Variants in PNLDC1 observed in about 807,000 individuals in gnomAD.
PNLDC1 encodes PARN like ribonuclease domain containing exonuclease 1, also known as poly(A)-specific ribonuclease PNLDC1.
Under a neutral mutation model 82.0 loss-of-function variants are expected in PNLDC1, and 70 were observed. The observed-to-expected ratio is 0.85, with a 90% confidence interval of 0.70 to 1.04. PNLDC1 has a LOEUF of 1.04. PNLDC1 is among the 50% of genes least tolerant of loss of function. The probability of loss-of-function intolerance (pLI) is 0.00; values close to 1 mark genes in which losing one functional copy is unlikely to be tolerated. For synonymous variants in PNLDC1, 280 were observed against 249.3 expected (o/e 1.12, Z -1.16); for missense variants, 631 against 661.1 (o/e 0.95, Z 0.50).
In PNLDC1 at chr6:159,819,061, A is replaced by T. The variant is rs1781944003; in HGVS notation, c.1373A>T (p.Lys458Met). The T allele has an allele frequency of 6.2e-7, 1 of 1,614,008 alleles. No homozygotes were observed. The highest frequency in any genetic ancestry group is 1.1e-5 in the South Asian group (1 of 91,084). The change falls in exon 17 of 19, where the codon AAG becomes ATG. Residue 458 changes from lysine to methionine, a missense_variant. Lys to Met is a moderately conservative substitution (Grantham distance 95, BLOSUM62 -1). Coordinates refer to ENST00000392167, the MANE Select transcript of PNLDC1 (RefSeq NM_001271862.2). The surrounding 1 kb of genome is among the most constrained non-coding windows in gnomAD (Gnocchi z 4.6). ...TACCATAAGTTTCAGAATCTCTGCA[A>T]GTTTGATGTCAGGCGACTCACAAGA... The part of the protein sequence containing the change: ...QVYHKFQNLC[K>M]FDVRRLTRSQ...
intron 3 of PNLDC1, among the ~76,000 whole-genome samples, chr6:159,802,423 GAA>G (rs1781293369): frequency 6.6e-6 from 1 of 151,930 alleles, no homozygotes; most frequent in Admixed American, 6.6e-5. Context: ...CTTTTACTAT[GAA>G]TGATGCTGAA....
intron 15 of PNLDC1, 117 bp from the exon 16 acceptor site, chr6:159,818,438 G>A (rs1781912054): frequency 4.6e-6 from 4 of 876,296 alleles, no homozygotes; most frequent in Non-Finnish European, 7.4e-6. Context: ...GGGCAGGAGG[G>A]AGGGAGAGCC....
At chr6:159,806,314 C>G (rs1781445121) in intron 7 of PNLDC1, among the ~76,000 whole-genome samples, 2 of 152,240 alleles carry the variant, frequency 1.3e-5, no homozygotes, top group South Asian at 4.1e-4. Context: ...CTGAGAAGGT[C>G]AAGTTCCATT....
chr6:159,818,348 T>G (rs1330695183), intron 15 of PNLDC1, among the ~76,000 whole-genome samples: 1 of 152,124 alleles, frequency 6.6e-6, no homozygotes, highest in Admixed American at 6.5e-5. Flanking sequence ...GTCTGGAAGC[T>G]CTTCTTCTAT....
chr6:159,804,663 T>C, intron 6 of PNLDC1, 26 bp downstream of exon 6: 1 of 1,524,692 alleles, frequency 6.6e-7, no homozygotes, highest in South Asian at 1.1e-5. Context: ...CCAGGTGCCT[T>C]TTTGTTTCCT....
intron 12 of PNLDC1, among the ~76,000 whole-genome samples, chr6:159,815,543 A>G (rs1397588760): frequency 6.6e-6 from 1 of 152,106 alleles, no homozygotes; most frequent in Admixed American, 6.5e-5. Flanking sequence ...CCATTGGATC[A>G]TGTGGTTTGG....
rs769376025 is a variant in PNLDC1 at position 159,806,097 on chromosome 6, G to T, written c.562+14G>T. 1.2e-6 allele frequency: 2 copies of T among 1,600,644 alleles called. No homozygotes were observed. Among genetic ancestry groups the T allele is most frequent in the African/African-American group, 2.7e-5 (2 of 74,620 alleles). On this transcript the variant is annotated intron_variant, in intron 7 of 18. Coordinates refer to ENST00000392167, the MANE Select transcript of PNLDC1 (RefSeq NM_001271862.2). The stretch of plus-strand genomic sequence containing the variant: ...CTGGGATCACTGGTAGGCAGGGCCT[G>T]TTCCTCCCAACGCAGGAGCATTGGG...
At chr6:159,801,569 C>T (rs1431088914) in intron 3 of PNLDC1, among the ~76,000 whole-genome samples, 1 of 152,108 alleles carries the variant, frequency 6.6e-6, no homozygotes, top group Non-Finnish European at 1.5e-5. Context: ...ACGTCAGCCT[C>T]CTGAGTAAAC....
rs1347140917 is a variant in PNLDC1, at chr6:159,818,643, G to A, written c.1246G>A (p.Val416Ile). 3.0e-5 allele frequency: 48 copies of A among 1,613,466 alleles called. No individual in the cohort carries two copies. The highest frequency in any genetic ancestry group is 4.4e-5 in the South Asian group (4 of 91,060). The change falls in exon 16 of 19, where the codon GTC becomes ATC. Residue 416 changes from valine to isoleucine, a missense_variant. Val to Ile is a conservative substitution (Grantham distance 29, BLOSUM62 3). Coordinates refer to ENST00000392167, the MANE Select transcript of PNLDC1 (RefSeq NM_001271862.2). ...CCAAGTGAACCTCATCCGAGCGGGG[G>A]TCCCAAAGATCGTGAGTAGATCTCA... ...VNQVNLIRAG[V>I]PKINFSGPDY...
intron 18 of PNLDC1, among the ~76,000 whole-genome samples, chr6:159,820,210 G>C (rs1358944829): frequency 2.0e-5 from 3 of 152,228 alleles, no homozygotes; most frequent in Non-Finnish European, 4.4e-5. Flanking sequence ...ACATCCGTTA[G>C]AAAACAGCAT....
Position 159,818,564 on chromosome 6 carries a change from C to A in PNLDC1, c.1167C>A (p.Pro389=), listed in dbSNP as rs756978290. 3.1e-6 allele frequency: 5 copies of A among 1,613,690 alleles called. No homozygotes were observed. In the East Asian group the frequency reaches 1.1e-4, roughly 36 times the overall value. The change falls in exon 16 of 19, where the codon CCC becomes CCA. Residue 389 remains proline (P), a synonymous_variant. Transcript: ENST00000392167. ...LLLQKIYHID[P]VPESSFPQYL... ...TTTTCTGTCCTTGCAGCATCGACCC[C>A]GTGCCCGAGTCATCCTTTCCTCAGT...
Position 159,808,731 on chromosome 6 carries a change from C to T in PNLDC1, c.563-9C>T, listed in dbSNP as rs768084965. The T allele has an allele frequency of 1.2e-6, 2 of 1,612,516 alleles. No homozygotes were observed. The highest frequency in any genetic ancestry group is 1.7e-6 in the Non-Finnish European group (2 of 1,179,394). ...AGGTGCTGTGTGCCCCTGTGTTTCCCTGCTGCAGGCTTCCAGGCCTTTGAG... is the reference window on the plus strand; with the variant it reads ...AGGTGCTGTGTGCCCCTGTGTTTCCTTGCTGCAGGCTTCCAGGCCTTTGAG... On this transcript the variant is annotated splice_polypyrimidine_tract_variant and intron_variant, in intron 7 of 18. Transcript: ENST00000392167.
At chr6:159,817,085 A>G (rs775612584) in intron 14 of PNLDC1, 24 bp from the exon 15 acceptor site, 12 of 1,603,956 alleles carry the variant, frequency 7.5e-6, no homozygotes, top group Non-Finnish European at 6.8e-6. Context: ...GCTCTATTGC[A>G]TTTCTGTCTT....
At chr6:159,817,183 A>T (rs1781864402) in intron 15 of PNLDC1, 32 bp downstream of exon 15, 2 of 1,591,742 alleles carry the variant, frequency 1.3e-6, no homozygotes, top group Non-Finnish European at 1.7e-6. Flanking sequence ...CCTACTGTTC[A>T]ATCGGTGGTC....
chr6:159,805,623 T>C, intron 6 of PNLDC1: 1 of 181,682 alleles, frequency 5.5e-6, no homozygotes, highest in African/African-American at 2.3e-5. Context: ...TCCTTGTCTT[T>C]TCCTGATTAT....
intron 16 of PNLDC1, 27 bp downstream of exon 16, chr6:159,818,681 G>A (rs760676173): frequency 1.2e-5 from 19 of 1,587,690 alleles, no homozygotes; most frequent in South Asian, 4.4e-5. Context: ...TGGCCCCCTC[G>A]CCCCATTCAG....
rs777859654 is a variant in PNLDC1 at position 159,819,527 on chromosome 6, G to A, written c.1532+175G>A. ...CCTTCAGTGATGCCGCGTGTCTGTC[G>A]AGCACCTGCTGTGCTGGGCACCATC... On this transcript the variant is annotated intron_variant, in intron 18 of 18. Transcript: ENST00000392167. This position sits in a 1 kb window ranked among gnomAD's most constrained non-coding sequence, Gnocchi z 4.6. Among the ~76,000 whole-genome samples, 3 of 152,218 alleles carry A rather than the reference G, an allele frequency of 2.0e-5. No homozygotes were observed. Among genetic ancestry groups the A allele is most frequent in the Non-Finnish European group, 4.4e-5 (3 of 68,038 alleles).
Position 159,819,964 on chromosome 6 carries a change from G to A in PNLDC1, c.1533-490G>A, listed in dbSNP as rs1243905882. 1.3e-5 allele frequency among the ~76,000 whole-genome samples: 2 copies of A among 152,182 alleles called. No individual in the cohort carries two copies. Among genetic ancestry groups the A allele is most frequent in the Non-Finnish European group, 2.9e-5 (2 of 68,032 alleles). On this transcript the variant is annotated intron_variant, in intron 18 of 18. Transcript: ENST00000392167. The surrounding 1 kb of genome is among the most constrained non-coding windows in gnomAD (Gnocchi z 4.6). ...GTTACAGCAAGAAGGTCTATAACCCGACTCAGGTTGTCTTCCGTGTTGGGG... is the reference window on the plus strand; with the variant it reads ...GTTACAGCAAGAAGGTCTATAACCCAACTCAGGTTGTCTTCCGTGTTGGGG...
chr6:159,801,025 C>T lies in PNLDC1; in HGVS notation c.135-88C>T, dbSNP rs546409015. 6 of 1,504,410 alleles carry T rather than the reference C, an allele frequency of 4.0e-6. No individual in the cohort carries two copies. In the Admixed American group the frequency reaches 5.0e-5, roughly 13 times the overall value. The allele number at this position is 1,504,410 out of a possible 1,614,324, so 93.2% of individuals were successfully genotyped here. On this transcript the variant is annotated intron_variant, in intron 2 of 18. Transcript: ENST00000392167. ...GTTGTAACAAGGAAAAAATCCTCCC[C>T]GGTTGCGAGTGGTGGTCCTGCCGCG...
Sources: allele counts gnomAD v4.1 joint callset (sites outside exome capture counted in the v4.1 genomes callset), GRCh38; gene constraint gnomAD v4.1.1; non-coding constraint Gnocchi (gnomAD v3.1); transcripts MANE v1.5; gene names NCBI Gene and HGNC (gene_info 2026-07-23, HGNC 2026-07-21).